TOX: variants seen among roughly 807,000 people sequenced by gnomAD.
TOX encodes the protein thymocyte selection-associated high mobility group box protein TOX.
In TOX, 11 loss-of-function variants were observed where a neutral mutation model predicts 53.7. The observed-to-expected ratio is 0.20, with a 90% confidence interval of 0.13 to 0.34. The LOEUF is 0.34. TOX is among the 10% of genes least tolerant of loss of function. The pLI, the probability that TOX is intolerant of heterozygous loss-of-function variation, is 1.00. For missense variants in TOX, 570 were observed against 664.6 expected (o/e 0.86, Z 1.56); for synonymous variants, 225 against 245.3 (o/e 0.92, Z 0.77).
intron 1 of TOX, among the ~76,000 whole-genome samples, chr8:59,047,977 A>G (rs1243424657): frequency 1.3e-5 from 2 of 152,248 alleles, no homozygotes; most frequent in Admixed American, 1.3e-4. Flanking sequence ...AACATATTCA[A>G]TAGTGTATGA....
rs113915590 is a variant in TOX at position 58,961,715 on chromosome 8, G to C, written c.103-1707C>G. ...GCTAATTTTTGTATTTTTAGTAGAGGCAGGGTCTTGAACTCTTGACCTCAG... is the reference window on the plus strand; with the variant it reads ...GCTAATTTTTGTATTTTTAGTAGAGCCAGGGTCTTGAACTCTTGACCTCAG... On this transcript the variant is annotated intron_variant, in intron 1 of 8. Coordinates refer to ENST00000361421, the MANE Select transcript of TOX (RefSeq NM_014729.3). Among the ~76,000 whole-genome samples the C allele has an allele frequency of 4.6e-5, 7 of 152,118 alleles. 1 individual carries two copies. The highest frequency in any genetic ancestry group is 1.3e-4 in the Admixed American group (2 of 15,268).
chr8:59,088,045 TAATCA>T (rs1804544921), intron 1 of TOX, among the ~76,000 whole-genome samples: 1 of 152,220 alleles, frequency 6.6e-6, no homozygotes, highest in Non-Finnish European at 1.5e-5. Context: ...AACAAAAATT[TAATCA>T]AAGGGATGGA....
At chr8:58,859,109 T>G (rs1172638862) in intron 3 of TOX, among the ~76,000 whole-genome samples, 1 of 152,264 alleles carries the variant, frequency 6.6e-6, no homozygotes, top group Non-Finnish European at 1.5e-5. Context: ...AAATCGTTTT[T>G]ACGTGACCTT....
At chr8:58,930,308 A>T (rs1170263619) in intron 3 of TOX, among the ~76,000 whole-genome samples, 1 of 152,242 alleles carries the variant, frequency 6.6e-6, no homozygotes, top group Non-Finnish European at 1.5e-5. Context: ...AAAAATAGTT[A>T]TTAAGCTCCT....
intron 1 of TOX, among the ~76,000 whole-genome samples, chr8:59,036,613 C>T (rs1297793576): frequency 6.6e-6 from 1 of 152,180 alleles, no homozygotes; most frequent in Non-Finnish European, 1.5e-5. Context: ...TGAAATTATC[C>T]ATGAAAATAC....
intron 1 of TOX, among the ~76,000 whole-genome samples, chr8:59,051,386 G>A (rs1046408927): frequency 2.6e-5 from 4 of 152,084 alleles, no homozygotes; most frequent in Admixed American, 6.5e-5. Context: ...AGTCATGGAC[G>A]TTGCGGTATC....
At chr8:58,879,217 T>A (rs1289608446) in intron 3 of TOX, among the ~76,000 whole-genome samples, 1 of 152,214 alleles carries the variant, frequency 6.6e-6, no homozygotes, top group African/African-American at 2.4e-5. Context: ...GATGCTTTGA[T>A]ATTTGGTACA....
At chr8:59,038,814 C>T (rs765558402) in intron 1 of TOX, among the ~76,000 whole-genome samples, 3 of 152,200 alleles carry the variant, frequency 2.0e-5, no homozygotes, top group African/African-American at 4.8e-5. Context: ...CTTATTTTCC[C>T]TTGGGTTAGC....
At chr8:59,021,718 T>G (rs13275234) in intron 1 of TOX, among the ~76,000 whole-genome samples, 7,502 of 152,030 alleles carry the variant, frequency 0.049, 305 homozygotes, top group East Asian at 0.24. Context: ...TCTTAAAAAT[T>G]ACCATAAACT....
chr8:58,852,192 G>C (rs562825738), intron 3 of TOX, among the ~76,000 whole-genome samples: 1 of 152,200 alleles, frequency 6.6e-6, no homozygotes, highest in African/African-American at 2.4e-5. Context: ...TAGAGTGTCT[G>C]TCAAAATTAT....
chr8:59,087,560 G>T (rs1268598855), intron 1 of TOX, among the ~76,000 whole-genome samples: 1 of 152,136 alleles, frequency 6.6e-6, no homozygotes, highest in African/African-American at 2.4e-5. Context: ...AAATTTCAAA[G>T]ATATATTCTG....
Position 58,851,195 on chromosome 8 carries a change from A to T in TOX, c.693+329T>A, listed in dbSNP as rs867089652. 0.14 allele frequency among the ~76,000 whole-genome samples: 18,238 copies of T among 132,692 alleles called. 1,449 individuals are homozygous for T. Among genetic ancestry groups the T allele is most frequent in the Non-Finnish European group, 0.18 (11,137 of 60,202 alleles). 87.1% of individuals were successfully genotyped at this position (132,692 alleles called of 152,430 possible). On this transcript the variant is annotated intron_variant, in intron 4 of 8. Coordinates refer to ENST00000361421, the MANE Select transcript of TOX (RefSeq NM_014729.3). This position sits in a 1 kb window ranked among gnomAD's most constrained non-coding sequence, Gnocchi z 4.4. ...CTCTCTCTCTCTCTCTCACACACAC[A>T]CACACACACACACACACGACCTTCA...
At chr8:58,812,174 T>C (rs1182593759) in intron 7 of TOX, among the ~76,000 whole-genome samples, 2 of 152,130 alleles carry the variant, frequency 1.3e-5, no homozygotes, top group African/African-American at 2.4e-5. Flanking sequence ...ATGACTCGGA[T>C]GTGGGCCCCA....
At chr8:59,030,911 C>A (rs1421740844) in intron 1 of TOX, among the ~76,000 whole-genome samples, 1 of 152,164 alleles carries the variant, frequency 6.6e-6, no homozygotes, top group Non-Finnish European at 1.5e-5. Context: ...AAACATCATA[C>A]ATCAGAATTT....
intron 1 of TOX, among the ~76,000 whole-genome samples, chr8:59,079,151 A>G (rs1804350810): frequency 1.3e-5 from 2 of 152,238 alleles, no homozygotes; most frequent in African/African-American, 4.8e-5. Context: ...GTTGGAACTT[A>G]TATTTAAAAG....
At chr8:58,977,880 C>T (rs1813133125) in intron 1 of TOX, among the ~76,000 whole-genome samples, 1 of 152,084 alleles carries the variant, frequency 6.6e-6, no homozygotes, top group Non-Finnish European at 1.5e-5. Flanking sequence ...ATTACCATGA[C>T]AGATATAATA....
In TOX at chr8:58,874,433, C is replaced by T. The variant is rs11987939; in HGVS notation, c.412-22628G>A. ...TTTTGGCTTCCTAAGACTTTGTGAG[C>T]GCTAAGGTAACGTTGGCTTCTGGAT... On this transcript the variant is annotated intron_variant, in intron 3 of 8. Transcript: ENST00000361421. 3.3e-3 allele frequency among the ~76,000 whole-genome samples: 506 copies of T among 152,032 alleles called. 4 individuals are homozygous for T. Among genetic ancestry groups the T allele is most frequent in the African/African-American group, 0.011 (468 of 41,468 alleles).
At position 59,010,117 on chromosome 8, in the gene TOX, C is replaced by T. The variant is rs756940233; in HGVS notation, c.103-50109G>A. On this transcript the variant is annotated intron_variant, in intron 1 of 8. Coordinates refer to ENST00000361421, the MANE Select transcript of TOX (RefSeq NM_014729.3). The stretch of plus-strand genomic sequence containing the variant: ...AAGATACCAAATAGTGTAGAATTCA[C>T]GAGTATAGGTTCCTACCTCTTCCAC... 9.5e-4 allele frequency among the ~76,000 whole-genome samples: 144 copies of T among 152,074 alleles called. 2 individuals carry two copies. Among genetic ancestry groups the T allele is most frequent in the Admixed American group, 4.6e-4 (7 of 15,266 alleles).
intron 1 of TOX, among the ~76,000 whole-genome samples, chr8:59,033,879 A>C (rs1460870046): frequency 1.3e-5 from 2 of 152,198 alleles, no homozygotes; most frequent in Non-Finnish European, 2.9e-5. Flanking sequence ...TGACCTTAGC[A>C]GATAGGGCGG....
Sources: gnomAD v4.1 joint callset for allele counts (sites outside exome capture counted in the v4.1 genomes callset) on GRCh38, gnomAD v4.1.1 for gene constraint, Gnocchi (gnomAD v3.1) non-coding constraint, MANE v1.5 for transcripts, NCBI Gene and HGNC (gene_info 2026-07-23, HGNC 2026-07-21) for gene names.